The following AUH variants were observed in gnomAD, a reference collection of about 807,000 sequenced individuals.
AUH encodes the protein AU RNA binding methylglutaconyl-CoA hydratase, also known as methylglutaconyl-CoA hydratase, mitochondrial.
AUH carries 29 observed loss-of-function variants against 42.3 expected under a neutral mutation model. The observed-to-expected ratio is 0.69, with a 90% CI of 0.51 to 0.93. AUH has a LOEUF of 0.93. Among genes scored for constraint, AUH ranks in the 40% least tolerant of loss-of-function variants. The pLI, the probability that AUH is intolerant of heterozygous loss-of-function variation, is 0.00. For missense variants in AUH, 452 were observed against 438.1 expected, an observed-to-expected ratio of 1.03 and a Z score of -0.28; for synonymous variants, 174 against 166.4, an observed-to-expected ratio of 1.05 and a Z score of -0.35.
intron 3 of AUH, among the ~76,000 whole-genome samples, chr9:91,326,757 G>A (rs1300530912): frequency 1.3e-5 from 2 of 152,132 alleles, no homozygotes; most frequent in Admixed American, 6.5e-5. Context: ...AGGTTGGGTG[G>A]TGGGTGCTAA....
At chr9:91,249,452 C>T (rs1018060401) in intron 6 of AUH, among the ~76,000 whole-genome samples, 47 of 152,084 alleles carry the variant, frequency 3.1e-4, no homozygotes, top group African/African-American at 1.1e-3. Context: ...GCCCTCTTTT[C>T]CTGTAACCTC....
intron 6 of AUH, among the ~76,000 whole-genome samples, chr9:91,253,947 C>T (rs1829273229): frequency 6.6e-6 from 1 of 152,120 alleles, no homozygotes; most frequent in Non-Finnish European, 1.5e-5. Context: ...AACGTTAAGT[C>T]AAATAAATAA....
chr9:91,338,226 C>T (rs1830831647), intron 3 of AUH, among the ~76,000 whole-genome samples: 1 of 152,234 alleles, frequency 6.6e-6, no homozygotes, highest in Admixed American at 6.5e-5. Context: ...TTCTGTCCAG[C>T]GTCTCAGCCC....
At chr9:91,306,402 C>T in intron 4 of AUH, 1 of 984,474 alleles carries the variant, frequency 1.0e-6, no homozygotes, top group Non-Finnish European at 1.2e-6. Flanking sequence ...TAAAATGCTG[C>T]TTAACATGGT....
At chr9:91,232,776 T>G (rs1827962066) in intron 6 of AUH, among the ~76,000 whole-genome samples, 1 of 152,242 alleles carries the variant, frequency 6.6e-6, no homozygotes, top group African/African-American at 2.4e-5. Flanking sequence ...TCAGTGAGTA[T>G]GAGGTGAACC....
chr9:91,222,815 C>T (rs975967988), intron 6 of AUH, among the ~76,000 whole-genome samples: 1 of 152,150 alleles, frequency 6.6e-6, no homozygotes, highest in African/African-American at 2.4e-5. Context: ...GGAAATGGTT[C>T]TTTCTCATGT....
At chr9:91,222,567 G>C (rs1827193904) in intron 6 of AUH, among the ~76,000 whole-genome samples, 1 of 152,142 alleles carries the variant, frequency 6.6e-6, no homozygotes, top group East Asian at 1.9e-4. Context: ...ATGAATTATT[G>C]ACAAATTTAA....
intron 6 of AUH, among the ~76,000 whole-genome samples, chr9:91,286,839 G>C (rs1170866278): frequency 6.6e-6 from 1 of 151,944 alleles, no homozygotes; most frequent in African/African-American, 2.4e-5. Context: ...TTAGACATGA[G>C]GAATAAGTTC....
chr9:91,246,288 G>A (rs989358426), intron 6 of AUH, among the ~76,000 whole-genome samples: 3 of 152,170 alleles, frequency 2.0e-5, no homozygotes, highest in African/African-American at 4.8e-5. Context: ...AAAAAACCAC[G>A]TGGAAGATTA....
chr9:91,333,104 G>C (rs545175139), intron 3 of AUH, among the ~76,000 whole-genome samples: 2 of 152,262 alleles, frequency 1.3e-5, no homozygotes, highest in East Asian at 1.9e-4. Flanking sequence ...CTCCAGGGAG[G>C]GGGTATTACA....
intron 4 of AUH, among the ~76,000 whole-genome samples, chr9:91,302,191 T>C (rs1827836681): frequency 7.0e-6 from 1 of 142,514 alleles, no homozygotes; most frequent in African/African-American, 2.6e-5. Flanking sequence ...GGGGGCCGGG[T>C]GCAGTGTGGC....
chr9:91,293,656 A>AC (rs1362098768), intron 6 of AUH, among the ~76,000 whole-genome samples: 1 of 152,242 alleles, frequency 6.6e-6, no homozygotes, highest in Non-Finnish European at 1.5e-5. Context: ...GAAGCCATCT[A>AC]CCGTAACACA....
At chr9:91,279,317 G>GAT (rs1209239944) in intron 6 of AUH, among the ~76,000 whole-genome samples, 1 of 152,076 alleles carries the variant, frequency 6.6e-6, no homozygotes, top group Non-Finnish European at 1.5e-5. Context: ...AAGAAACTGA[G>GAT]ATAAATAATA....
chr9:91,266,381 A>G (rs1352044130), intron 6 of AUH, among the ~76,000 whole-genome samples: 1 of 151,698 alleles, frequency 6.6e-6, no homozygotes, highest in African/African-American at 2.4e-5. Context: ...AAATAAATAA[A>G]TAAATAAATA....
At chr9:91,255,025 T>C (rs1042930569) in intron 6 of AUH, among the ~76,000 whole-genome samples, 1 of 152,196 alleles carries the variant, frequency 6.6e-6, no homozygotes, top group Non-Finnish European at 1.5e-5. Flanking sequence ...CATTTCAAAC[T>C]GTCATACCAA....
intron 6 of AUH, among the ~76,000 whole-genome samples, chr9:91,250,865 G>C (rs564325959): frequency 2.0e-5 from 3 of 152,294 alleles, no homozygotes; most frequent in African/African-American, 7.2e-5. Context: ...CTTCAACTTA[G>C]AGAGGGATAC....
chr9:91,307,828 G>A (rs1031530579), intron 4 of AUH, among the ~76,000 whole-genome samples: 31 of 152,134 alleles, frequency 2.0e-4, no homozygotes, highest in Admixed American at 1.3e-4. Context: ...GGGTCTTGGA[G>A]TGCATCCCCT....
intron 3 of AUH, among the ~76,000 whole-genome samples, chr9:91,330,776 T>TGTACAG (rs1830270097): frequency 6.6e-6 from 1 of 152,208 alleles, no homozygotes; most frequent in Admixed American, 6.5e-5. Flanking sequence ...GGCTGAATCC[T>TGTACAG]GCAAATATGT....
At chr9:91,316,370 G>A (rs1829158235) in intron 4 of AUH, among the ~76,000 whole-genome samples, 1 of 152,144 alleles carries the variant, frequency 6.6e-6, no homozygotes, top group South Asian at 2.1e-4. Flanking sequence ...CAGTCTTTAA[G>A]TTATCCCTCT....
Sources: allele counts gnomAD v4.1 joint callset (sites outside exome capture counted in the v4.1 genomes callset), GRCh38; gene constraint gnomAD v4.1.1; transcripts MANE v1.5; gene names NCBI Gene and HGNC (gene_info 2026-07-23, HGNC 2026-07-21).